The following RBPJ variants were observed in gnomAD, a reference collection of about 807,000 sequenced individuals.
RBPJ encodes the protein recombining binding protein suppressor of hairless.
In RBPJ, 9 loss-of-function variants were observed where a neutral mutation model predicts 67.8. That is an observed-to-expected ratio of 0.13 (90% CI 0.08 to 0.23). RBPJ has a LOEUF of 0.23. RBPJ is among the 10% of genes least tolerant of loss of function. The pLI is 1.00. For missense variants in RBPJ, 305 were observed against 595.6 expected, an observed-to-expected ratio of 0.51 and a Z score of 5.08; for synonymous variants, 198 against 203.3, an observed-to-expected ratio of 0.97 and a Z score of 0.22.
rs1736261825 is a variant in RBPJ, at chr4:26,431,807, T to C, written c.*800T>C. The C allele has an allele frequency of 6.6e-6, 1 of 152,156 alleles. No homozygotes were observed. The highest frequency in any genetic ancestry group is 2.4e-5 in the African/African-American group (1 of 41,432). The allele number at this position is 152,156 out of a possible 1,614,324, so 9.4% of individuals were successfully genotyped here. On this transcript the variant is annotated 3_prime_UTR_variant, in exon 11 of 11. Coordinates refer to ENST00000355476, the MANE Select transcript of RBPJ (RefSeq NM_015874.6). ...CTTAGTCTCTCTTCTCAGACACTGT[T>C]GGTAGTTATTTCTGTGTTTTCCTTT...
chr4:26,405,798 T>C (rs1733338418), intron 2 of RBPJ, among the ~76,000 whole-genome samples: 1 of 152,162 alleles, frequency 6.6e-6, no homozygotes, highest in Non-Finnish European at 1.5e-5. Context: ...GGGAATTACA[T>C]TATTAAACTA....
intron 1 of RBPJ, among the ~76,000 whole-genome samples, chr4:26,205,290 T>G (rs1718131185): frequency 6.6e-6 from 1 of 152,186 alleles, no homozygotes; most frequent in Non-Finnish European, 1.5e-5. Context: ...GTGTGGAGTA[T>G]AGGACATTGC....
At chr4:26,224,670 T>C (rs545769886) in intron 1 of RBPJ, among the ~76,000 whole-genome samples, 10 of 152,290 alleles carry the variant, frequency 6.6e-5, no homozygotes, top group African/African-American at 2.2e-4. Flanking sequence ...GAACAGAACA[T>C]TCTTGATGGC....
rs537349524 is a variant in RBPJ at position 26,253,598 on chromosome 4, A to C, written c.-167+89984A>C. On this transcript the variant is annotated intron_variant, in intron 1 of 4. Coordinates refer to the RBPJ transcript ENST00000512351. ...AGTGCTGGGTTAATCTGCTATTTCA[A>C]CCCTCAATGCTGAAAATATTTCTAA... Among the ~76,000 whole-genome samples, 198 of 150,566 alleles carry C rather than the reference A, an allele frequency of 1.3e-3. 2 individuals are homozygous for C. Among genetic ancestry groups the C allele is most frequent in the Non-Finnish European group, 2.5e-3 (169 of 67,924 alleles).
chr4:26,241,703 G>C (rs1719642852), intron 1 of RBPJ, among the ~76,000 whole-genome samples: 1 of 151,896 alleles, frequency 6.6e-6, no homozygotes, highest in African/African-American at 2.4e-5. Context: ...GTAGAGGCAG[G>C]GTTTCGCTAT....
At chr4:26,272,276 C>T (rs897171973) in intron 1 of RBPJ, among the ~76,000 whole-genome samples, 3 of 152,190 alleles carry the variant, frequency 2.0e-5, no homozygotes, top group Admixed American at 2.0e-4. Context: ...TTTTCTAAAA[C>T]TCACTACAGG....
intron 1 of RBPJ, among the ~76,000 whole-genome samples, chr4:26,342,453 T>G (rs910895945): frequency 6.6e-6 from 1 of 152,228 alleles, no homozygotes; most frequent in African/African-American, 2.4e-5. Flanking sequence ...GTTCCATTGC[T>G]GCTTTGTAGT....
At chr4:26,223,524 T>A (rs1307491494) in intron 1 of RBPJ, among the ~76,000 whole-genome samples, 1 of 152,076 alleles carries the variant, frequency 6.6e-6, no homozygotes, top group Non-Finnish European at 1.5e-5. Flanking sequence ...GGAAAGACAT[T>A]CCAAAAAGAA....
intron 1 of RBPJ, among the ~76,000 whole-genome samples, chr4:26,214,993 A>G (rs1577481072): frequency 3.3e-5 from 1 of 30,650 alleles, no homozygotes; most frequent in Non-Finnish European, 5.9e-5. Context: ...GGAGGGAGGG[A>G]GGGAGGGAAG....
Position 26,287,580 on chromosome 4 carries a change from ACAGGAGAGGAGAGGGGAGGGGAGGG to A in RBPJ, c.-166-74865_-166-74841del, listed in dbSNP as rs1416208865. Among the ~76,000 whole-genome samples the A allele has an allele frequency of 3.6e-3, 73 of 20,044 alleles. 3 individuals carry two copies. The highest frequency in any genetic ancestry group is 0.012 in the East Asian group (7 of 576). The allele number at this position is 20,044 out of a possible 152,430, so 13.1% of individuals were successfully genotyped here. On this transcript the variant is annotated intron_variant, in intron 1 of 4. Coordinates refer to the RBPJ transcript ENST00000512351. ...AAAGGAAAGGAAAGGAAAGGAAAGG[ACAGGAGAGGAGAGGGGAGGGGAGGG>A]GAGGGGAGGGGAGGGGAGGGGAGGG...
At position 26,264,196 on chromosome 4, in the gene RBPJ, G is replaced by T. The variant is rs9762720; in HGVS notation, c.-166-98250G>T. 0.11 allele frequency among the ~76,000 whole-genome samples: 16,733 copies of T among 152,090 alleles called. 2,718 individuals carry two copies. Among genetic ancestry groups the T allele is most frequent in the African/African-American group, 0.35 (14,697 of 41,438 alleles). Reference sequence around the variant, plus strand: ...CGGCGCCTGGCAGACAGATTCATTTGTGTTCACAACCTGGTCCCAATTAGC... The same window carrying T: ...CGGCGCCTGGCAGACAGATTCATTTTTGTTCACAACCTGGTCCCAATTAGC... On this transcript the variant is annotated intron_variant, in intron 1 of 4. Transcript: ENST00000512351. This position sits in a 1 kb window ranked among gnomAD's most constrained non-coding sequence, Gnocchi z 4.1.
intron 1 of RBPJ, among the ~76,000 whole-genome samples, chr4:26,275,300 T>C (rs868528742): frequency 2.0e-5 from 3 of 152,150 alleles, no homozygotes; most frequent in African/African-American, 7.2e-5. Context: ...AAGCCCCAGA[T>C]TCAAATCGCA....
intron 1 of RBPJ, among the ~76,000 whole-genome samples, chr4:26,258,570 C>G (rs541138273): frequency 6.6e-6 from 1 of 152,106 alleles, no homozygotes; most frequent in Non-Finnish European, 1.5e-5. Flanking sequence ...TACAAAGGGA[C>G]TTCAAAAAGT....
chr4:26,207,792 G>C (rs988957085), intron 1 of RBPJ, among the ~76,000 whole-genome samples: 2 of 152,158 alleles, frequency 1.3e-5, no homozygotes, highest in African/African-American at 4.8e-5. Context: ...GGCAAGTCAT[G>C]ACTCTGCACT....
chr4:26,375,813 G>C (rs190710596), intron 1 of RBPJ, among the ~76,000 whole-genome samples: 8 of 152,230 alleles, frequency 5.3e-5, no homozygotes, highest in Non-Finnish European at 1.0e-4. Flanking sequence ...TGCTTGCTGC[G>C]TGCTCTCTGG....
chr4:26,180,088 T>G (rs1467302035), intron 1 of RBPJ, among the ~76,000 whole-genome samples: 1 of 152,188 alleles, frequency 6.6e-6, no homozygotes, highest in East Asian at 1.9e-4. Context: ...AACCAAATAC[T>G]GCGTGTTCTG....
At chr4:26,227,002 G>A (rs1168434769) in intron 1 of RBPJ, among the ~76,000 whole-genome samples, 4 of 152,126 alleles carry the variant, frequency 2.6e-5, no homozygotes, top group Admixed American at 2.6e-4. Context: ...CCCTGTAAGT[G>A]GCTCTTTTGT....
intron 1 of RBPJ, among the ~76,000 whole-genome samples, chr4:26,313,450 G>A (rs930898972): frequency 3.3e-5 from 5 of 151,962 alleles, no homozygotes; most frequent in Admixed American, 6.6e-5. Context: ...GGCGGATCAC[G>A]AGGTCAGGAG....
At chr4:26,343,767 T>TTTTTTTTTTG (rs1725821511) in intron 1 of RBPJ, among the ~76,000 whole-genome samples, 1 of 144,178 alleles carries the variant, frequency 6.9e-6, no homozygotes, top group Non-Finnish European at 1.5e-5. Flanking sequence ...TTTTTTTTTT[T>TTTTTTTTTTG]GTGACGGAGG....
Sources: allele counts gnomAD v4.1 joint callset (sites outside exome capture counted in the v4.1 genomes callset), GRCh38; gene constraint gnomAD v4.1.1; non-coding constraint Gnocchi (gnomAD v3.1); transcripts MANE v1.5; gene names NCBI Gene and HGNC (gene_info 2026-07-23, HGNC 2026-07-21).